FGF13: variants seen among roughly 807,000 people sequenced by gnomAD.
The protein encoded by FGF13 is fibroblast growth factor homologous factor 2.
A neutral mutation model predicts 19.5 loss-of-function variants in FGF13; 2 were observed. The observed-to-expected ratio is 0.10, with a 90% confidence interval of 0.04 to 0.32. The LOEUF is 0.32. FGF13 is among the 10% of genes least tolerant of loss of function. The pLI, the probability that FGF13 is intolerant of heterozygous loss-of-function variation, is 1.00. For missense variants in FGF13, 113 were observed against 192.7 expected, an observed-to-expected ratio of 0.59 and a Z score of 2.45; for synonymous variants, 72 against 76.9, an observed-to-expected ratio of 0.94 and a Z score of 0.33.
intron 3 of FGF13, among the ~76,000 whole-genome samples, chrX:138,794,852 G>A (rs1045600809): frequency 8.9e-6 from 1 of 111,807 alleles, no homozygotes; most frequent in South Asian, 3.8e-4. Context: ...GAAAAAAACA[G>A]AATCATAAAT....
chrX:138,959,154 C>T (rs1277177947), intron 1 of FGF13, among the ~76,000 whole-genome samples: 1 of 111,748 alleles, frequency 8.9e-6, no homozygotes, highest in Non-Finnish European at 1.9e-5. Context: ...CTCTTGTGGG[C>T]ATTTAGTGCT....
intron 3 of FGF13, among the ~76,000 whole-genome samples, chrX:138,789,172 T>A (rs1274228303): frequency 9.0e-6 from 1 of 110,982 alleles, no homozygotes; most frequent in African/African-American, 3.3e-5. Flanking sequence ...TTCATTTGTT[T>A]ATTTTTATTT....
At chrX:139,152,543 A>G (rs2148248330) in intron 1 of FGF13, among the ~76,000 whole-genome samples, 1 of 110,854 alleles carries the variant, frequency 9.0e-6, no homozygotes, top group East Asian at 2.9e-4. Flanking sequence ...GGATCTACCC[A>G]GAATGGAGAT....
chrX:138,988,518 T>C (rs965490451), intron 1 of FGF13, among the ~76,000 whole-genome samples: 1 of 112,407 alleles, frequency 8.9e-6, no homozygotes, highest in Non-Finnish European at 1.9e-5. Flanking sequence ...AATTTGTTAC[T>C]ATTTTTCTAA....
intron 3 of FGF13, among the ~76,000 whole-genome samples, chrX:138,839,314 A>G (rs188381794): frequency 1.8e-5 from 2 of 111,372 alleles, no homozygotes; most frequent in East Asian, 5.7e-4. Flanking sequence ...TTTCCACTCT[A>G]TGGTATTCTT....
At chrX:138,900,376 T>A (rs1222329660) in intron 1 of FGF13, among the ~76,000 whole-genome samples, 1 of 110,848 alleles carries the variant, frequency 9.0e-6, no homozygotes, top group African/African-American at 3.3e-5. Context: ...CTTCTCTTAA[T>A]CTTCTCCATC....
chrX:139,074,239 GTAATTTAA>G (rs2092385684), intron 1 of FGF13, among the ~76,000 whole-genome samples: 1 of 112,253 alleles, frequency 8.9e-6, no homozygotes, highest in African/African-American at 3.2e-5. Flanking sequence ...CCTAAAGGAA[GTAATTTAA>G]TACAATTCTG....
chrX:139,142,248 T>C (rs1047784199), intron 1 of FGF13, among the ~76,000 whole-genome samples: 3 of 112,102 alleles, frequency 2.7e-5, no homozygotes, highest in African/African-American at 9.7e-5. Flanking sequence ...TGATGTTTAT[T>C]GTCAATATTT....
At chrX:138,654,838 T>A (rs2089419859) in intron 3 of FGF13, among the ~76,000 whole-genome samples, 1 of 111,493 alleles carries the variant, frequency 9.0e-6, no homozygotes, top group Non-Finnish European at 1.9e-5. Context: ...TGGTAAACTT[T>A]GCTTTTCTTT....
chrX:138,768,160 T>C (rs1181291963), intron 3 of FGF13, among the ~76,000 whole-genome samples: 4 of 112,291 alleles, frequency 3.6e-5, no homozygotes, highest in South Asian at 3.7e-4. Flanking sequence ...TCCACAGCCA[T>C]GGTCACTCTT....
At chrX:138,842,339 C>A (rs915877452) in intron 3 of FGF13, among the ~76,000 whole-genome samples, 7 of 111,240 alleles carry the variant, frequency 6.3e-5, no homozygotes, top group African/African-American at 2.0e-4. Flanking sequence ...CCCGAAGCAG[C>A]CTCAGTTTTC....
At chrX:139,149,831 C>A in intron 1 of FGF13, among the ~76,000 whole-genome samples, 1 of 112,069 alleles carries the variant, frequency 8.9e-6, no homozygotes, top group African/African-American at 3.2e-5. Context: ...AAATATGATA[C>A]TAATCACTTG....
rs1203709668 is a variant in FGF13, at chrX:139,028,582, CGTGT to C, written c.-112-163936_-112-163933del. On this transcript the variant is annotated intron_variant, in intron 1 of 2. Coordinates refer to the FGF13 transcript ENST00000421460. ...AGGCAGAAGAGAGAGGGAGAGAGAG[CGTGT>C]GTGTGTGTGTGTGTGTGTGTGTGTG... Among the ~76,000 whole-genome samples the C allele has an allele frequency of 2.3e-3, 139 of 61,604 alleles. 1 individual carries two copies. The highest frequency in any genetic ancestry group is 3.0e-3 in the African/African-American group (54 of 17,940). 53.5% of individuals were successfully genotyped at this position (61,604 alleles called of 115,157 possible).
At chrX:138,738,830 ATTAC>A (rs905253153) in intron 1 of FGF13, among the ~76,000 whole-genome samples, 3 of 111,787 alleles carry the variant, frequency 2.7e-5, no homozygotes, top group African/African-American at 9.8e-5. Context: ...GCCAATTATA[ATTAC>A]TTATTCTCTT....
intron 1 of FGF13, among the ~76,000 whole-genome samples, chrX:138,977,773 TG>T (rs960434242): frequency 1.8e-5 from 2 of 111,850 alleles, no homozygotes; most frequent in African/African-American, 6.5e-5. Flanking sequence ...TGGACAGAGC[TG>T]GAAGAGACAG....
chrX:139,197,918 T>C (rs60227845), intron 1 of FGF13, among the ~76,000 whole-genome samples: 9,017 of 96,398 alleles, frequency 0.094, 953 homozygotes, highest in African/African-American at 0.3. Context: ...CACTTGAACC[T>C]GGGAGGCGGA....
intron 1 of FGF13, among the ~76,000 whole-genome samples, chrX:138,918,068 T>C (rs748025688): frequency 7.2e-5 from 8 of 110,424 alleles, no homozygotes; most frequent in Non-Finnish European, 1.5e-4. Context: ...GTGCCTATGA[T>C]GGGGAGACGA....
intron 3 of FGF13, among the ~76,000 whole-genome samples, chrX:138,810,246 A>C (rs1411455803): frequency 8.9e-6 from 1 of 111,925 alleles, no homozygotes; most frequent in East Asian, 2.8e-4. Context: ...CAAAACAGAG[A>C]TATAGACCAA....
At chrX:139,175,353 A>G (rs952072933) in intron 1 of FGF13, among the ~76,000 whole-genome samples, 7 of 112,304 alleles carry the variant, frequency 6.2e-5, no homozygotes. Context: ...GCATACAGAG[A>G]CAATTTGACT....
Sources: allele counts gnomAD v4.1 joint callset (sites outside exome capture counted in the v4.1 genomes callset), GRCh38; gene constraint gnomAD v4.1.1; transcripts MANE v1.5; gene names NCBI Gene and HGNC (gene_info 2026-07-23, HGNC 2026-07-21).